The following CERS3 variants were observed in gnomAD, a reference collection of about 807,000 sequenced individuals.
CERS3 encodes the protein ceramide synthase 3.
Under a neutral mutation model 50.3 loss-of-function variants are expected in CERS3, and 33 were observed. The observed-to-expected ratio is 0.66, with a 90% confidence interval of 0.50 to 0.88. CERS3 has a LOEUF of 0.88. Among genes scored for constraint, CERS3 ranks in the 40% least tolerant of loss-of-function variants. The pLI is 0.00. For synonymous variants in CERS3, 176 were observed against 155.2 expected (o/e 1.13, Z -0.99); for missense variants, 470 against 460.3 (o/e 1.02, Z -0.19).
intron 8 of CERS3, among the ~76,000 whole-genome samples, chr15:100,474,154 T>C (rs2035053953): frequency 6.6e-6 from 1 of 152,100 alleles, no homozygotes; most frequent in African/African-American, 2.4e-5. Context: ...GAGTGACTGC[T>C]AAATGGTATA....
chr15:100,445,969 C>T (rs1304566472), intron 11 of CERS3, among the ~76,000 whole-genome samples: 2 of 152,190 alleles, frequency 1.3e-5, no homozygotes, highest in Non-Finnish European at 2.9e-5. Flanking sequence ...CTTCTCCTGG[C>T]TCATCCTGGC....
chr15:100,511,985 C>G lies in CERS3; in HGVS notation c.-2+9682G>C, dbSNP rs183229178. Among the ~76,000 whole-genome samples the G allele has an allele frequency of 1.6e-3, 39 of 23,774 alleles. 18 individuals are homozygous for G. Among genetic ancestry groups the G allele is most frequent in the Non-Finnish European group, 6.4e-3 (33 of 5,178 alleles). The allele number at this position is 23,774 out of a possible 152,430, so 15.6% of individuals were successfully genotyped here. ...GCTTCCATTAATGTTCTGTTACATG[C>G]CCTGGAGAGGAGCATCGTAAGTCCA... On this transcript the variant is annotated intron_variant, in intron 2 of 11. Transcript: ENST00000679737.
chr15:100,479,889 G>A, intron 6 of CERS3, 100 bp downstream of exon 6: 1 of 821,286 alleles, frequency 1.2e-6, no homozygotes, highest in Non-Finnish European at 2.0e-6. Context: ...CTCTAAAACT[G>A]GTTATCTTAT....
At chr15:100,471,933 A>G (rs996727) in intron 9 of CERS3, among the ~76,000 whole-genome samples, 13,695 of 152,234 alleles carry the variant, frequency 0.09, 1,736 homozygotes, top group African/African-American at 0.28. Context: ...TGATTCTCAC[A>G]GTTTTAAGAG....
intron 11 of CERS3, among the ~76,000 whole-genome samples, chr15:100,451,938 C>T (rs920691714): frequency 1.3e-5 from 2 of 152,008 alleles, no homozygotes; most frequent in Non-Finnish European, 2.9e-5. Flanking sequence ...AAATACAATT[C>T]TAAATATATG....
chr15:100,417,636 C>A (rs375427775), intron 11 of CERS3, among the ~76,000 whole-genome samples: 126 of 152,106 alleles, frequency 8.3e-4, no homozygotes, highest in South Asian at 2.7e-3. Flanking sequence ...CAGGGCACAG[C>A]CAAACAAAAA....
intron 11 of CERS3, among the ~76,000 whole-genome samples, chr15:100,427,692 G>C (rs1376851375): frequency 6.6e-6 from 1 of 152,222 alleles, no homozygotes; most frequent in Non-Finnish European, 1.5e-5. Flanking sequence ...TACTGTCCCA[G>C]ACTCTGACTA....
intron 10 of CERS3, among the ~76,000 whole-genome samples, chr15:100,467,852 TAGATAG>T (rs1432538001): frequency 1.6e-5 from 2 of 126,406 alleles, no homozygotes; most frequent in African/African-American, 3.1e-5. Context: ...TATATATATA[TAGATAG>T]ATAGATAGAT....
chr15:100,444,626 G>A (rs1449772034), intron 11 of CERS3, among the ~76,000 whole-genome samples: 1 of 152,100 alleles, frequency 6.6e-6, no homozygotes, highest in Non-Finnish European at 1.5e-5. Flanking sequence ...ACTTCTCAGT[G>A]TTCCATCTGC....
chr15:100,456,622 A>C (rs1488276264), intron 10 of CERS3, among the ~76,000 whole-genome samples: 2 of 152,186 alleles, frequency 1.3e-5, no homozygotes, highest in African/African-American at 2.4e-5. Flanking sequence ...ACTGCTCCTG[A>C]TGACCTAAGA....
intron 3 of CERS3, among the ~76,000 whole-genome samples, chr15:100,497,755 T>A (rs1193757690): frequency 1.3e-5 from 2 of 152,026 alleles, no homozygotes; most frequent in Admixed American, 6.6e-5. Flanking sequence ...AAATACCTGT[T>A]AAAATCATTA....
intron 9 of CERS3, among the ~76,000 whole-genome samples, chr15:100,471,489 T>A (rs1175853740): frequency 2.0e-5 from 3 of 152,144 alleles, no homozygotes; most frequent in Non-Finnish European, 4.4e-5. Flanking sequence ...ATGAGGCTGT[T>A]TTTACATTGG....
intron 10 of CERS3, among the ~76,000 whole-genome samples, chr15:100,460,149 T>C (rs2034503852): frequency 6.6e-6 from 1 of 152,260 alleles, no homozygotes; most frequent in South Asian, 2.1e-4. Flanking sequence ...TGCATACATG[T>C]TATGCTTTAA....
At position 100,411,482 on chromosome 15, in the gene CERS3, G is replaced by T. The variant is rs570242870; in HGVS notation, c.1000-8617C>A. On this transcript the variant is annotated intron_variant, in intron 11 of 11. Coordinates refer to ENST00000679737, the MANE Select transcript of CERS3 (RefSeq NM_001378789.1). ...TGGCCAAATTTCCTTCCTTTTAAAG[G>T]CTGAATAATATTCCATGGTGTGCAT... Among the ~76,000 whole-genome samples the T allele has an allele frequency of 3.9e-5, 6 of 152,074 alleles. No individual in the cohort carries two copies. The East Asian group carries it at 9.7e-4, about 25-fold the overall frequency.
rs1362027493 is a variant in CERS3 at position 100,527,713 on chromosome 15, C to T, written c.-92+1100G>A. 5.3e-5 allele frequency among the ~76,000 whole-genome samples: 8 copies of T among 152,322 alleles called. No homozygotes were observed. The East Asian group carries it at 1.5e-3, about 29-fold the overall frequency. On this transcript the variant is annotated intron_variant, in intron 1 of 11. Coordinates refer to ENST00000679737, the MANE Select transcript of CERS3 (RefSeq NM_001378789.1). ...ATCATGAGCCCTAAAGGGGAAAATG[C>T]ACGTACACACAGCAAGGACTTAGTA... is the stretch of plus-strand genomic sequence containing the variant.
chr15:100,512,229 G>A (rs1427630940), intron 2 of CERS3, among the ~76,000 whole-genome samples: 1 of 152,204 alleles, frequency 6.6e-6, no homozygotes, highest in South Asian at 2.1e-4. Flanking sequence ...CCTGCTTGGG[G>A]AAAATGGATC....
At chr15:100,434,950 T>C (rs1431370376) in intron 11 of CERS3, among the ~76,000 whole-genome samples, 1 of 152,196 alleles carries the variant, frequency 6.6e-6, no homozygotes, top group Non-Finnish European at 1.5e-5. Context: ...TTGTACTTGG[T>C]TCTTCCCCCT....
intron 11 of CERS3, among the ~76,000 whole-genome samples, chr15:100,429,994 T>C (rs1408525618): frequency 3.3e-5 from 5 of 152,028 alleles, no homozygotes; most frequent in African/African-American, 1.2e-4. Context: ...GGGCTTCATC[T>C]GTATTCCTCA....
At chr15:100,413,732 C>T (rs1426445250) in intron 11 of CERS3, among the ~76,000 whole-genome samples, 1 of 147,406 alleles carries the variant, frequency 6.8e-6, no homozygotes, top group Non-Finnish European at 1.5e-5. Context: ...TTGGCAGCAT[C>T]TAGTAAATTT....
Sources: gnomAD v4.1 joint callset for allele counts (sites outside exome capture counted in the v4.1 genomes callset) on GRCh38, gnomAD v4.1.1 for gene constraint, MANE v1.5 for transcripts, NCBI Gene and HGNC (gene_info 2026-07-23, HGNC 2026-07-21) for gene names.